The following POLR2M variants were observed in gnomAD, a reference collection of about 807,000 sequenced individuals.
POLR2M encodes protein GRINL1A.
POLR2M carries 30 observed loss-of-function variants against 34.6 expected under a neutral mutation model. The ratio of observed to expected loss-of-function variants is 0.87; its 90% CI spans 0.65 to 1.18. The LOEUF is 1.18. POLR2M is among the 50% of genes most tolerant of loss of function. POLR2M has a pLI of 0.00. For missense variants in POLR2M, 432 were observed against 448.7 expected (o/e 0.96, Z 0.34); for synonymous variants, 150 against 166.7 (o/e 0.90, Z 0.77).
chr15:57,707,058 T>A, intron 1 of POLR2M, 103 bp downstream of exon 1: 1 of 1,551,684 alleles, frequency 6.4e-7, no homozygotes, highest in Non-Finnish European at 8.7e-7. Context: ...GGAAGGTGAC[T>A]TTGACTCAGT....
At chr15:57,708,571 C>T in intron 1 of POLR2M, 143 bp from the exon 2 acceptor site, 2 of 761,144 alleles carry the variant, frequency 2.6e-6, no homozygotes, top group Non-Finnish European at 2.0e-6. Flanking sequence ...TTGTTTTATT[C>T]TTGTTTTGGG....
intron 2 of POLR2M, 85 bp downstream of exon 2, chr15:57,709,443 C>A: frequency 6.7e-7 from 1 of 1,485,374 alleles, no homozygotes; most frequent in Non-Finnish European, 9.1e-7. Flanking sequence ...TGTGGTGGTG[C>A]TTGCCTGTAG....
At chr15:57,707,610 T>C (rs1345439904) in intron 1 of POLR2M, 1 of 443,244 alleles carries the variant, frequency 2.3e-6, no homozygotes. Context: ...CTTTTAAGCA[T>C]GGACTAATTT....
rs1490640069 is a variant in POLR2M at position 57,716,213 on chromosome 15, AT to A, written c.*1536del. 10 of 152,242 alleles carry A rather than the reference AT, an allele frequency of 6.6e-5. No individual in the cohort carries two copies. The highest frequency in any genetic ancestry group is 2.4e-4 in the African/African-American group (10 of 41,470). The allele number at this position is 152,242 out of a possible 1,614,324, so 9.4% of individuals were successfully genotyped here. ...CATTGCTTTGTAGTCTGCTCTATAT[AT>A]TGTCAATATGTTCCCATATTAAATA... On this transcript the variant is annotated 3_prime_UTR_variant, in exon 4 of 4. Transcript: ENST00000299638.
intron 3 of POLR2M, among the ~76,000 whole-genome samples, chr15:57,712,566 A>G (rs1261810041): frequency 6.6e-6 from 1 of 152,182 alleles, no homozygotes; most frequent in Non-Finnish European, 1.5e-5. Flanking sequence ...ACCCCTTGTT[A>G]GAGAATGAGG....
In POLR2M at chr15:57,716,912, T is replaced by G. The variant is rs1314340971; in HGVS notation, c.*2233T>G. ...TAAATGTCCTTATTTTCTTCTAGTA[T>G]TTTCTTATTTCACTTTTACACCTAT... is the stretch of plus-strand genomic sequence containing the variant. On this transcript the variant is annotated 3_prime_UTR_variant, in exon 4 of 4. Coordinates refer to ENST00000299638, the MANE Select transcript of POLR2M (RefSeq NM_015532.5). The G allele has an allele frequency of 6.6e-6, 1 of 152,214 alleles. No homozygotes were observed. Among genetic ancestry groups the G allele is most frequent in the African/African-American group, 2.4e-5 (1 of 41,466 alleles). The allele number at this position is 152,214 out of a possible 1,614,324, so 9.4% of individuals were successfully genotyped here. A position where few individuals can be genotyped will look rare whatever the true frequency, so the allele number is the denominator to read the frequency against.
chr15:57,709,432 G>A (rs2040625156), intron 2 of POLR2M, 74 bp downstream of exon 2: 1 of 1,517,176 alleles, frequency 6.6e-7, no homozygotes, highest in Admixed American at 2.0e-5. Context: ...GAGAAACTGG[G>A]TGTGGTGGTG....
At chr15:57,707,420 G>C in intron 1 of POLR2M, 1 of 649,812 alleles carries the variant, frequency 1.5e-6, no homozygotes, top group Non-Finnish European at 2.8e-6. Flanking sequence ...CTGGTTGAAC[G>C]GATTTTAGCA....
At chr15:57,708,616 G>C in intron 1 of POLR2M, 98 bp from the exon 2 acceptor site, 1 of 1,151,892 alleles carries the variant, frequency 8.7e-7, no homozygotes, top group Non-Finnish European at 1.2e-6. Context: ...TTAAAAATCA[G>C]CTTTTCTTTC....
chr15:57,710,146 A>G (rs187604695), intron 2 of POLR2M, among the ~76,000 whole-genome samples: 1 of 152,336 alleles, frequency 6.6e-6, no homozygotes, highest in East Asian at 1.9e-4. Flanking sequence ...TAAGCTACAT[A>G]ATAATAACAG....
chr15:57,711,254 C>G (rs532054732), intron 2 of POLR2M, among the ~76,000 whole-genome samples: 32 of 152,276 alleles, frequency 2.1e-4, no homozygotes, highest in Non-Finnish European at 3.7e-4. Flanking sequence ...CATCTTCTGT[C>G]GAAGTGAAGA....
At chr15:57,710,652 G>T (rs991409964) in intron 2 of POLR2M, among the ~76,000 whole-genome samples, 1 of 152,152 alleles carries the variant, frequency 6.6e-6, no homozygotes, top group Non-Finnish European at 1.5e-5. Flanking sequence ...ATAAAACAAA[G>T]AATACATTAA....
At chr15:57,711,859 A>C (rs1163142872) in intron 2 of POLR2M, 125 bp from the exon 3 acceptor site, 1 of 1,153,234 alleles carries the variant, frequency 8.7e-7, no homozygotes. Flanking sequence ...GAATACTGGT[A>C]AATTACTTAC....
intron 3 of POLR2M, among the ~76,000 whole-genome samples, chr15:57,713,820 CTTTTTTTTTTTTTTTTTTTTTTTTT>C (rs869161314): frequency 9.2e-5 from 6 of 65,568 alleles, no homozygotes; most frequent in East Asian, 1.3e-3. Context: ...ATTAGTCCTT[CTTTTTTTTTTTTTTTTTTTTTTTTT>C]TTTTTTTTTT....
rs1160474785 is a variant in POLR2M at position 57,717,041 on chromosome 15, TATATA to T, written c.*2364_*2368del. The stretch of plus-strand genomic sequence containing the variant: ...CCATCTCAAATGTATTTGGTTATAT[TATATA>T]AGGTAGGGATTTGATTTTATTTCGA... On this transcript the variant is annotated 3_prime_UTR_variant, in exon 4 of 4. Transcript: ENST00000299638. The T allele has an allele frequency of 5.3e-5, 8 of 152,318 alleles. No individual in the cohort carries two copies. Among genetic ancestry groups the T allele is most frequent in the African/African-American group, 1.9e-4 (8 of 41,564 alleles). The allele number at this position is 152,318 out of a possible 1,614,324, so 9.4% of individuals were successfully genotyped here. A position where few individuals can be genotyped will look rare whatever the true frequency, so the allele number is the denominator to read the frequency against.
chr15:57,707,381 C>T, intron 1 of POLR2M: 1 of 691,298 alleles, frequency 1.4e-6, no homozygotes, highest in Non-Finnish European at 2.6e-6. Context: ...GTTTATTAGG[C>T]CGGGAAAGTT....
At chr15:57,708,598 T>G (rs1163094002) in intron 1 of POLR2M, 116 bp from the exon 2 acceptor site, 1 of 944,390 alleles carries the variant, frequency 1.1e-6, no homozygotes, top group Non-Finnish European at 1.5e-6. Context: ...AGAAATCAGA[T>G]ATTTGACTTA....
At chr15:57,711,025 C>T (rs2040690385) in intron 2 of POLR2M, among the ~76,000 whole-genome samples, 1 of 152,158 alleles carries the variant, frequency 6.6e-6, no homozygotes, top group Non-Finnish European at 1.5e-5. Context: ...AGCCAATTAA[C>T]CATGAAACTT....
Position 57,706,737 on chromosome 15 carries a change from C to A in POLR2M, c.-106C>A. On this transcript the variant is annotated 5_prime_UTR_variant, in exon 1 of 4. Coordinates refer to ENST00000299638, the MANE Select transcript of POLR2M (RefSeq NM_015532.5). ...CCGTTCTTCCGGGAAAATGGCGACT[C>A]CCGCTCGTGCCCCGGAGTCACCGCC... 6.9e-6 allele frequency: 9 copies of A among 1,303,866 alleles called. No homozygotes were observed. Among genetic ancestry groups the A allele is most frequent in the Non-Finnish European group, 9.4e-6 (9 of 954,192 alleles). 80.8% of individuals were successfully genotyped at this position (1,303,866 alleles called of 1,614,324 possible). A position where few individuals can be genotyped will look rare whatever the true frequency, so the allele number is the denominator to read the frequency against.
Sources: allele counts gnomAD v4.1 joint callset (sites outside exome capture counted in the v4.1 genomes callset), GRCh38; gene constraint gnomAD v4.1.1; transcripts MANE v1.5; gene names NCBI Gene and HGNC (gene_info 2026-07-23, HGNC 2026-07-21).